Variants in APP observed in about 807,000 individuals in gnomAD.
APP encodes amyloid beta precursor protein.
In APP, 31 loss-of-function variants were observed where a neutral mutation model predicts 101.4. The observed-to-expected ratio is 0.31, with a 90% confidence interval of 0.23 to 0.41. APP has a LOEUF of 0.41. Among genes scored for constraint, APP ranks in the 10% least tolerant of loss-of-function variants. APP has a pLI of 1.00. For synonymous variants in APP, 366 were observed against 364.4 expected, an observed-to-expected ratio of 1.00 and a Z score of -0.05; for missense variants, 839 against 1,003.7, an observed-to-expected ratio of 0.84 and a Z score of 2.22.
At chr21:25,975,818 G>C (rs2042203208) in intron 10 of APP, 136 bp downstream of exon 10, 1 of 736,586 alleles carries the variant, frequency 1.4e-6, no homozygotes, top group Non-Finnish European at 2.4e-6. Flanking sequence ...ACTAGACAAT[G>C]ATTAAGAACA....
chr21:26,130,690 T>C (rs2062776410), intron 1 of APP, among the ~76,000 whole-genome samples: 1 of 152,260 alleles, frequency 6.6e-6, no homozygotes, highest in Non-Finnish European at 1.5e-5. Context: ...AAGCTTACGC[T>C]AAGGGCAAAT....
intron 1 of APP, among the ~76,000 whole-genome samples, chr21:26,128,838 A>G (rs1201239804): frequency 6.6e-6 from 1 of 152,222 alleles, no homozygotes; most frequent in Admixed American, 6.5e-5. Context: ...TTGGAACTGA[A>G]TTTGAAAAAT....
intron 9 of APP, 43 bp from the exon 10 acceptor site, chr21:25,976,071 T>A: frequency 6.8e-7 from 1 of 1,470,452 alleles, no homozygotes; most frequent in Non-Finnish European, 9.5e-7. Flanking sequence ...CATCAGTTCA[T>A]CCTTTGAATA....
intron 5 of APP, among the ~76,000 whole-genome samples, chr21:26,045,644 G>C (rs145875917): frequency 1.3e-5 from 2 of 152,270 alleles, no homozygotes; most frequent in South Asian, 2.1e-4. Flanking sequence ...TATCTAGATA[G>C]TCAATGGTGC....
chr21:26,009,012 C>T (rs967052594), intron 6 of APP, among the ~76,000 whole-genome samples: 18 of 152,228 alleles, frequency 1.2e-4, no homozygotes, highest in African/African-American at 4.3e-4. Context: ...GCCCCCCATA[C>T]AGACTCAACA....
chr21:26,117,028 C>T (rs1160230388), intron 1 of APP, among the ~76,000 whole-genome samples: 3 of 152,126 alleles, frequency 2.0e-5, no homozygotes, highest in Non-Finnish European at 4.4e-5. Context: ...GGACTACAGG[C>T]CTGTGCCACC....
chr21:26,165,591 T>A (rs1489936089), intron 1 of APP, among the ~76,000 whole-genome samples: 4 of 152,206 alleles, frequency 2.6e-5, no homozygotes, highest in Non-Finnish European at 5.9e-5. Flanking sequence ...TGGCATCAAA[T>A]TCAACATTAT....
chr21:25,891,705 C>T lies in APP; in HGVS notation c.2211+17G>A, dbSNP rs1404989106. 1.2e-6 allele frequency: 2 copies of T among 1,612,418 alleles called. No homozygotes were observed. The highest frequency in any genetic ancestry group is 2.2e-5 in the South Asian group (2 of 91,040). ...GTCTTAATTCCCACTTGGAAACATG[C>T]AGTCAAGTTTACCTACCTCCACCAC... On this transcript the variant is annotated intron_variant, in intron 17 of 17. Coordinates refer to ENST00000346798, the MANE Select transcript of APP (RefSeq NM_000484.4).
rs912169930 is a variant in APP at position 26,040,431 on chromosome 21, G to A, written c.662+10569C>T. 5.9e-5 allele frequency among the ~76,000 whole-genome samples: 9 copies of A among 152,016 alleles called. No individual in the cohort carries two copies. The South Asian group carries it at 1.2e-3, about 21-fold the overall frequency. ...AGCCTGACCAACATGGTGAAACCTCGTCTCTACTAAAAATACAAAAATTAG... is the reference window on the plus strand; with the variant it reads ...AGCCTGACCAACATGGTGAAACCTCATCTCTACTAAAAATACAAAAATTAG... On this transcript the variant is annotated intron_variant, in intron 5 of 17. Coordinates refer to ENST00000346798, the MANE Select transcript of APP (RefSeq NM_000484.4).
chr21:26,155,372 C>A (rs436011), intron 1 of APP, among the ~76,000 whole-genome samples: 64,285 of 152,004 alleles, frequency 0.42, 14,746 homozygotes, highest in African/African-American at 0.62. Context: ...TATATTGACC[C>A]CCTGTTGAAA....
intron 3 of APP, among the ~76,000 whole-genome samples, chr21:26,082,519 T>C (rs1377061445): frequency 6.6e-6 from 1 of 152,204 alleles, no homozygotes; most frequent in Non-Finnish European, 1.5e-5. Context: ...ATAGTATTCA[T>C]TATAAATGAA....
intron 16 of APP, 72 bp downstream of exon 16, chr21:25,897,500 CA>C: frequency 1.8e-6 from 2 of 1,110,634 alleles, no homozygotes; most frequent in Admixed American, 1.7e-5. Context: ...ATTTCTAGCA[CA>C]GGATGAACCA....
intron 2 of APP, among the ~76,000 whole-genome samples, chr21:26,094,309 A>G (rs888156698): frequency 6.6e-6 from 1 of 152,090 alleles, no homozygotes; most frequent in African/African-American, 2.4e-5. Context: ...TAAGGGGGAG[A>G]ACATTAGCAA....
chr21:26,003,772 T>C (rs2043394660), intron 6 of APP, among the ~76,000 whole-genome samples: 1 of 152,066 alleles, frequency 6.6e-6, no homozygotes, highest in Non-Finnish European at 1.5e-5. Context: ...ATTCCCCCAA[T>C]TGTCAGCAAC....
At chr21:26,047,648 A>G (rs1414591111) in intron 5 of APP, among the ~76,000 whole-genome samples, 2 of 152,258 alleles carry the variant, frequency 1.3e-5, no homozygotes, top group Non-Finnish European at 2.9e-5. Context: ...GTTAAAAACA[A>G]TAATAAAAAT....
At chr21:26,149,529 G>A (rs1480282510) in intron 1 of APP, among the ~76,000 whole-genome samples, 2 of 152,146 alleles carry the variant, frequency 1.3e-5, no homozygotes, top group Non-Finnish European at 2.9e-5. Flanking sequence ...ATATGGCACG[G>A]TTGACCGCCA....
intron 13 of APP, among the ~76,000 whole-genome samples, chr21:25,936,217 T>A (rs1269502576): frequency 6.6e-6 from 1 of 151,916 alleles, no homozygotes; most frequent in African/African-American, 2.4e-5. Flanking sequence ...TTAAATGAGG[T>A]CATGGGGGTG....
chr21:26,025,313 T>C (rs1434831977), intron 5 of APP, among the ~76,000 whole-genome samples: 2 of 152,228 alleles, frequency 1.3e-5, no homozygotes, highest in Non-Finnish European at 2.9e-5. Flanking sequence ...TTGAGATCTC[T>C]TACTTATTCA....
At position 25,908,142 on chromosome 21, in the gene APP, G is replaced by A. The variant is rs557755946; in HGVS notation, c.1910-3065C>T. Among the ~76,000 whole-genome samples, 91 of 152,282 alleles carry A rather than the reference G, an allele frequency of 6.0e-4. 2 individuals are homozygous for A. Among genetic ancestry groups the A allele is most frequent in the Middle Eastern group, 6.8e-3 (2 of 294 alleles). On this transcript the variant is annotated intron_variant, in intron 14 of 17. Transcript: ENST00000346798. ...TAGAACAAACACAAATGTCATCAAC[G>A]CTAATGCTTCCAGCCAGATCATTTC...
Sources: allele counts gnomAD v4.1 joint callset (sites outside exome capture counted in the v4.1 genomes callset), GRCh38; gene constraint gnomAD v4.1.1; transcripts MANE v1.5; gene names NCBI Gene and HGNC (gene_info 2026-07-23, HGNC 2026-07-21).